Variants in PIGN observed in about 807,000 individuals in gnomAD.
PIGN encodes the protein GPI ethanolamine phosphate transferase 1.
PIGN carries 117 observed loss-of-function variants against 125.4 expected under a neutral mutation model. The observed-to-expected ratio is 0.93, with a 90% CI of 0.80 to 1.09. PIGN has a LOEUF of 1.09. Among genes scored for constraint, PIGN ranks in the 50% least tolerant of loss-of-function variants. The pLI is 0.00. For missense variants in PIGN, 1,075 were observed against 1,094.9 expected, an observed-to-expected ratio of 0.98 and a Z score of 0.26; for synonymous variants, 392 against 377.8, an observed-to-expected ratio of 1.04 and a Z score of -0.44.
At position 62,148,357 on chromosome 18, in the gene PIGN, T is replaced by C; in HGVS notation, c.550-19A>G. 1 of 1,418,326 alleles carries C rather than the reference T, an allele frequency of 7.1e-7. No homozygotes were observed. The highest frequency in any genetic ancestry group is 1.5e-5 in the African/African-American group (1 of 68,372). The allele number at this position is 1,418,326 out of a possible 1,614,324, so 87.9% of individuals were successfully genotyped here. ...AGAAGTCCTACATATAACAAATGAG[T>C]TAAAAATATTTAGTTCATTTGTTTT... On this transcript the variant is annotated intron_variant, in intron 7 of 30. Coordinates refer to ENST00000640252, the MANE Select transcript of PIGN (RefSeq NM_176787.5).
intron 14 of PIGN, among the ~76,000 whole-genome samples, chr18:62,132,565 G>C (rs56320279): frequency 0.17 from 25,746 of 151,810 alleles, 2,940 homozygotes; most frequent in Middle Eastern, 0.29. Flanking sequence ...ATTACAGTCA[G>C]GCACAGTAGC....
downstream of PIGN, among the ~76,000 whole-genome samples, chr18:62,040,797 G>C (rs548780734): frequency 6.6e-6 from 1 of 152,182 alleles, no homozygotes; most frequent in African/African-American, 2.4e-5. Flanking sequence ...GATATTCGAG[G>C]TAACAGTTTA....
chr18:62,021,690 C>G (rs771019094), intron 23 of PIGN, among the ~76,000 whole-genome samples: 8 of 152,282 alleles, frequency 5.3e-5, no homozygotes, highest in Non-Finnish European at 1.0e-4. Context: ...CTCTGGTTGT[C>G]AAGTGTACAC....
chr18:62,160,585 C>T (rs1327557386), intron 4 of PIGN, among the ~76,000 whole-genome samples: 1 of 151,306 alleles, frequency 6.6e-6, no homozygotes, highest in Non-Finnish European at 1.5e-5. Context: ...GGCACCATCT[C>T]GGCTCACTGC....
chr18:62,152,554 G>A (rs1168220456), intron 7 of PIGN, among the ~76,000 whole-genome samples: 2 of 152,018 alleles, frequency 1.3e-5, no homozygotes, highest in Non-Finnish European at 2.9e-5. Flanking sequence ...AACATGCTCA[G>A]AACATTTACA....
intron 1 of PIGN, among the ~76,000 whole-genome samples, chr18:62,166,605 A>G (rs965679372): frequency 2.0e-5 from 3 of 152,186 alleles, no homozygotes; most frequent in African/African-American, 7.2e-5. Context: ...ACATGCAGAC[A>G]TATGTTTATT....
intron 30 of PIGN, among the ~76,000 whole-genome samples, chr18:62,062,823 C>G (rs1450977628): frequency 7.0e-6 from 1 of 143,478 alleles, no homozygotes; most frequent in African/African-American, 2.6e-5. Flanking sequence ...GCTGATATGT[C>G]ATTCTGTTTC....
chr18:62,124,399 C>CA (rs1005895580), intron 14 of PIGN, among the ~76,000 whole-genome samples: 4 of 151,794 alleles, frequency 2.6e-5, no homozygotes, highest in African/African-American at 4.8e-5. Flanking sequence ...GAAGGAATGG[C>CA]AAAAAAAGAT....
chr18:62,086,657 G>A (rs970853016), intron 25 of PIGN, among the ~76,000 whole-genome samples: 4 of 150,716 alleles, frequency 2.7e-5, no homozygotes, highest in African/African-American at 9.8e-5. Flanking sequence ...CTTTATTGTG[G>A]ATACAGTGAA....
At chr18:62,159,653 A>G (rs2036869642) in intron 4 of PIGN, among the ~76,000 whole-genome samples, 1 of 152,062 alleles carries the variant, frequency 6.6e-6, no homozygotes, top group South Asian at 2.1e-4. Flanking sequence ...CATCTCTCTG[A>G]GCTATCGTAA....
intron 25 of PIGN, among the ~76,000 whole-genome samples, chr18:62,086,873 C>A (rs1474561036): frequency 7.1e-6 from 1 of 141,356 alleles, no homozygotes; most frequent in African/African-American, 2.5e-5. Context: ...TAGAAGTGGA[C>A]AAGGAGCAGT....
downstream of PIGN, among the ~76,000 whole-genome samples, chr18:62,037,193 C>T (rs2030272055): frequency 1.3e-5 from 2 of 152,120 alleles, no homozygotes; most frequent in Admixed American, 1.3e-4. Flanking sequence ...TCTGGCATCC[C>T]CAAGGAAGCA....
intron 23 of PIGN, among the ~76,000 whole-genome samples, chr18:62,031,117 T>A (rs1393813729): frequency 6.6e-6 from 1 of 152,202 alleles, no homozygotes; most frequent in Non-Finnish European, 1.5e-5. Context: ...AATTGAATCA[T>A]GGGAGTGGTT....
At chr18:62,089,559 C>T (rs2033864721) in intron 24 of PIGN, among the ~76,000 whole-genome samples, 1 of 152,084 alleles carries the variant, frequency 6.6e-6, no homozygotes, top group Non-Finnish European at 1.5e-5. Context: ...CTCAGCCTGA[C>T]AAAATATTTA....
chr18:62,037,983 T>C (rs983092936), downstream of PIGN, among the ~76,000 whole-genome samples: 1 of 152,216 alleles, frequency 6.6e-6, no homozygotes, highest in Non-Finnish European at 1.5e-5. Flanking sequence ...AAATTTGTAT[T>C]TTGTTTTGGA....
At chr18:62,140,548 A>C (rs943916275) in intron 11 of PIGN, 69 bp from the exon 12 acceptor site, 135 of 755,454 alleles carry the variant, frequency 1.8e-4, no homozygotes, top group Middle Eastern at 1.0e-3. Context: ...AATGTAATGC[A>C]ACCATATTTT....
In PIGN at chr18:62,044,301, T is replaced by C. The variant is rs1171170922; in HGVS notation, c.*1555A>G. The C allele has an allele frequency of 6.6e-6, 1 of 152,192 alleles. No homozygotes were observed. The highest frequency in any genetic ancestry group is 2.4e-5 in the African/African-American group (1 of 41,458). 9.4% of individuals were successfully genotyped at this position (152,192 alleles called of 1,614,324 possible). On this transcript the variant is annotated 3_prime_UTR_variant, in exon 31 of 31. Transcript: ENST00000640252. Reference sequence around the variant, plus strand: ...AAAAGATAAAAGGCAAAACTACACATAGAAAAAGGTCAGTGATAAGTGTTT... The same window carrying C: ...AAAAGATAAAAGGCAAAACTACACACAGAAAAAGGTCAGTGATAAGTGTTT...
chr18:62,144,773 T>C (rs2036259120), intron 10 of PIGN, among the ~76,000 whole-genome samples: 2 of 152,206 alleles, frequency 1.3e-5, no homozygotes, highest in Admixed American at 1.3e-4. Context: ...TTAAAACCAA[T>C]GCATTTTGCC....
At chr18:62,157,249 T>A in intron 5 of PIGN, 22 bp from the exon 6 acceptor site, 1 of 1,282,084 alleles carries the variant, frequency 7.8e-7, no homozygotes, top group Non-Finnish European at 1.1e-6. Flanking sequence ...AAGCAAGCAG[T>A]AATAGTTATA....
Sources: allele counts gnomAD v4.1 joint callset (sites outside exome capture counted in the v4.1 genomes callset), GRCh38; gene constraint gnomAD v4.1.1; transcripts MANE v1.5; gene names NCBI Gene and HGNC (gene_info 2026-07-23, HGNC 2026-07-21).